The following SCN9A variants were observed in gnomAD, a reference collection of about 807,000 sequenced individuals.
SCN9A encodes sodium voltage-gated channel alpha subunit 9.
Under a neutral mutation model 187.0 loss-of-function variants are expected in SCN9A, and 131 were observed. The observed-to-expected ratio is 0.70, with a 90% CI of 0.61 to 0.81. SCN9A has a LOEUF of 0.81. Ranked by LOEUF, SCN9A falls within the 30% of genes least tolerant of loss-of-function variation. The pLI, the probability that SCN9A is intolerant of heterozygous loss-of-function variation, is 0.00. For synonymous variants in SCN9A, 809 were observed against 808.6 expected (o/e 1.00, Z -0.01); for missense variants, 2,252 against 2,396.6 (o/e 0.94, Z 1.26).
chr2:166,340,642 A>G (rs1024020848), intron 1 of SCN9A, among the ~76,000 whole-genome samples: 1 of 93,800 alleles, frequency 1.1e-5, no homozygotes, highest in African/African-American at 3.7e-5. Context: ...TTCTTTTTTG[A>G]TAGTGTATTT....
intron 1 of SCN9A, among the ~76,000 whole-genome samples, chr2:166,367,480 G>C (rs190061595): frequency 2.0e-5 from 3 of 152,156 alleles, no homozygotes; most frequent in Non-Finnish European, 4.4e-5. Context: ...TGACCAGGCT[G>C]GTCTCCAACT....
chr2:166,338,772 T>C (rs939221339), intron 1 of SCN9A, among the ~76,000 whole-genome samples: 4 of 152,152 alleles, frequency 2.6e-5, no homozygotes, highest in Non-Finnish European at 4.4e-5. Context: ...AGAATACAAA[T>C]CAGTTATTTT....
intron 2 of SCN9A, among the ~76,000 whole-genome samples, chr2:166,308,865 G>T (rs1698846133): frequency 6.8e-6 from 1 of 146,620 alleles, no homozygotes. Flanking sequence ...GGCGGAGCTT[G>T]CAGTGAGCCA....
chr2:166,246,859 T>A (rs376127616), intron 18 of SCN9A, among the ~76,000 whole-genome samples: 1 of 151,980 alleles, frequency 6.6e-6, no homozygotes, highest in South Asian at 2.1e-4. Flanking sequence ...CCCTCAGGGT[T>A]TATTACACCT....
At chr2:166,313,528 C>A (rs1272513170) in intron 1 of SCN9A, among the ~76,000 whole-genome samples, 1 of 151,950 alleles carries the variant, frequency 6.6e-6, no homozygotes, top group Non-Finnish European at 1.5e-5. Flanking sequence ...AGCTTCAAAC[C>A]TTTTTTTTCC....
chr2:166,212,622 C>T (rs374645549), intron 24 of SCN9A, among the ~76,000 whole-genome samples: 21 of 152,222 alleles, frequency 1.4e-4, no homozygotes, highest in East Asian at 1.2e-3. Flanking sequence ...ATTTGAACAA[C>T]GCTATAGACC....
chr2:166,208,331 G>A (rs1693915817), intron 24 of SCN9A, among the ~76,000 whole-genome samples: 1 of 152,164 alleles, frequency 6.6e-6, no homozygotes, highest in Non-Finnish European at 1.5e-5. Context: ...CATTATAAGA[G>A]TAGTCACTGC....
chr2:166,219,974 AC>A (rs1294732997), intron 24 of SCN9A, among the ~76,000 whole-genome samples: 2 of 152,194 alleles, frequency 1.3e-5, no homozygotes, highest in Non-Finnish European at 2.9e-5. Flanking sequence ...ACAGAAAAAA[AC>A]ATACTACAGA....
chr2:166,302,238 AAGTACAATC>A (rs1698586449), intron 7 of SCN9A: 7 of 151,980 alleles, frequency 4.6e-5, no homozygotes, highest in African/African-American at 1.7e-4. Context: ...GTCAGACAGA[AAGTACAATC>A]TTGATCATAT....
At chr2:166,242,342 T>C (rs1274201110) in intron 19 of SCN9A, among the ~76,000 whole-genome samples, 160 bp downstream of exon 19, 1 of 152,098 alleles carries the variant, frequency 6.6e-6, no homozygotes, top group African/African-American at 2.4e-5. Flanking sequence ...GTAGGAGTGC[T>C]CAGTAACTAT....
intron 1 of SCN9A, among the ~76,000 whole-genome samples, chr2:166,328,045 G>GT (rs1699407309): frequency 6.6e-6 from 1 of 152,106 alleles, no homozygotes; most frequent in Non-Finnish European, 1.5e-5. Flanking sequence ...TACAAGCAGT[G>GT]TATCTTTAGC....
intron 20 of SCN9A, among the ~76,000 whole-genome samples, chr2:166,237,392 T>C (rs990908630): frequency 6.6e-6 from 1 of 152,084 alleles, no homozygotes; most frequent in Non-Finnish European, 1.5e-5. Context: ...TTTTCCATCA[T>C]CCAAGTATTC....
chr2:166,267,380 A>G (rs1433595650), intron 17 of SCN9A, among the ~76,000 whole-genome samples: 1 of 152,000 alleles, frequency 6.6e-6, no homozygotes, highest in Non-Finnish European at 1.5e-5. Context: ...ATGTTGAAAC[A>G]TCTTTGCATC....
intron 11 of SCN9A, among the ~76,000 whole-genome samples, chr2:166,285,254 T>C (rs932974138): frequency 5.3e-5 from 8 of 152,320 alleles, no homozygotes; most frequent in African/African-American, 1.7e-4. Flanking sequence ...CCACCTTACA[T>C]ACTAAGAGCT....
At chr2:166,319,041 G>A (rs916761213) in intron 1 of SCN9A, among the ~76,000 whole-genome samples, 4 of 152,016 alleles carry the variant, frequency 2.6e-5, no homozygotes, top group African/African-American at 9.7e-5. Context: ...CAATTTAAAA[G>A]TTCCATTCTT....
At position 166,199,335 on chromosome 2, in the gene SCN9A, T is replaced by C. The variant is rs1193758659; in HGVS notation, c.5304A>G (p.Glu1768=). ...CCTCACTCAGAGGTTCAGTACTTTC[T>C]TCAGTGGCAACACTAAAATTCTCCA... ...VILENFSVAT[E]ESTEPLSEDD... The change falls in exon 27 of 27, where the codon GAA becomes GAG. Residue 1768 remains glutamate, a synonymous_variant. Transcript: ENST00000642356. The C allele has an allele frequency of 2.5e-6, 4 of 1,614,044 alleles. No individual in the cohort carries two copies. The highest frequency in any genetic ancestry group is 3.4e-6 in the Non-Finnish European group (4 of 1,180,030).
At chr2:166,358,095 G>A (rs990383750) in intron 1 of SCN9A, among the ~76,000 whole-genome samples, 7 of 149,236 alleles carry the variant, frequency 4.7e-5, no homozygotes, top group African/African-American at 1.7e-4. Context: ...TTGAGATGGA[G>A]TCGCTCTCTC....
intron 5 of SCN9A, among the ~76,000 whole-genome samples, chr2:166,305,188 G>C (rs574947376): frequency 7.4e-4 from 113 of 152,100 alleles, no homozygotes; most frequent in African/African-American, 2.5e-3. Context: ...CTAGATATGA[G>C]ATTGTAAAAA....
chr2:166,209,676 C>T (rs770145813), intron 24 of SCN9A, among the ~76,000 whole-genome samples: 10 of 152,068 alleles, frequency 6.6e-5, no homozygotes, highest in Non-Finnish European at 1.3e-4. Context: ...CAAAAGAAGA[C>T]ATTTATGCAG....
Sources: gnomAD v4.1 joint callset for allele counts (sites outside exome capture counted in the v4.1 genomes callset) on GRCh38, gnomAD v4.1.1 for gene constraint, MANE v1.5 for transcripts, NCBI Gene and HGNC (gene_info 2026-07-23, HGNC 2026-07-21) for gene names.